EPHX1: variants seen among roughly 807,000 people sequenced by gnomAD.
The protein encoded by EPHX1 is epoxide hydrolase 1.
Under a neutral mutation model 43.2 loss-of-function variants are expected in EPHX1, and 40 were observed. That is an observed-to-expected ratio of 0.93 (90% CI 0.72 to 1.21). The LOEUF (loss-of-function observed/expected upper bound fraction) is 1.21. Ranked by LOEUF, EPHX1 falls within the 50% of genes most tolerant of loss-of-function variation. EPHX1 has a pLI of 0.00. For missense variants in EPHX1, 550 were observed against 570.4 expected, an observed-to-expected ratio of 0.96 and a Z score of 0.36; for synonymous variants, 221 against 226.7, an observed-to-expected ratio of 0.98 and a Z score of 0.22.
rs763302326 is a variant in EPHX1, at chr1:225,838,804, T to C, written c.515T>C (p.Leu172Pro). 1 of 1,614,206 alleles carries C rather than the reference T, an allele frequency of 6.2e-7. No individual in the cohort carries two copies. Residue 172 changes from leucine (L) to proline (P), a missense_variant, in exon 4 of 9, where the codon CTG (leucine) becomes CCG (proline). Physicochemically the swap from Leu to Pro is moderately conservative, Grantham distance 98. Coordinates refer to ENST00000272167, the MANE Select transcript of EPHX1 (RefSeq NM_001136018.4). ...CTGACTGACCCCAAGAACCATGGCCTGAGCGATGAGCACGTTTTTGAAGTC... is the reference window on the plus strand; with the variant it reads ...CTGACTGACCCCAAGAACCATGGCCCGAGCGATGAGCACGTTTTTGAAGTC... Reference protein sequence around the residue: ...PLLTDPKNHGLSDEHVFEVIC... With the variant: ...PLLTDPKNHGPSDEHVFEVIC...
chr1:225,845,456 A>C lies in EPHX1; in HGVS notation c.*109A>C. ...ATGAGTTTGCCTCCGTCCCCTGCCCATGCTGGGAGCCCACGCTCACCCCCT... is the reference window on the plus strand; with the variant it reads ...ATGAGTTTGCCTCCGTCCCCTGCCCCTGCTGGGAGCCCACGCTCACCCCCT... On this transcript the variant is annotated 3_prime_UTR_variant, in exon 9 of 9. Transcript: ENST00000272167. 1 of 1,175,688 alleles carries C rather than the reference A, an allele frequency of 8.5e-7. No individual in the cohort carries two copies. The highest frequency in any genetic ancestry group is 1.2e-6 in the Non-Finnish European group (1 of 837,402). The allele number at this position is 1,175,688 out of a possible 1,614,324, so 72.8% of individuals were successfully genotyped here. A position where few individuals can be genotyped will look rare whatever the true frequency, so the allele number is the denominator to read the frequency against.
chr1:225,845,379 CCCA>C lies in EPHX1; in HGVS notation c.*34_*36del, dbSNP rs751667514. The C allele has an allele frequency of 5.5e-5, 85 of 1,543,226 alleles. No individual in the cohort carries two copies. Among genetic ancestry groups the C allele is most frequent in the African/African-American group, 6.8e-5 (5 of 73,682 alleles). On this transcript the variant is annotated 3_prime_UTR_variant, in exon 9 of 9. Transcript: ENST00000272167. ...CCTCTCCCCCCGCCTGCCACCTCCC[CCCA>C]CAAGTGCCCTCCAGGCTTTTCTTGG...
intron 1 of EPHX1, among the ~76,000 whole-genome samples, chr1:225,821,643 C>T (rs948754831): frequency 3.5e-5 from 5 of 142,838 alleles, no homozygotes; most frequent in East Asian, 2.1e-4. Context: ...TCACTGCAGC[C>T]TCAACCACCT....
rs1347161321 is a variant in EPHX1 at position 225,828,822 on chromosome 1, T to C, written c.93T>C (p.Asp31=). ...RDKEETLPLE[D]GWWGPGTRSA... Reference sequence around the variant, plus strand: ...AAGAGGAAACTTTGCCACTTGAAGATGGGTGGTGGGGGCCAGGCACGAGGT... The same window carrying C: ...AAGAGGAAACTTTGCCACTTGAAGACGGGTGGTGGGGGCCAGGCACGAGGT... The change falls in exon 2 of 9, where the codon GAT becomes GAC. Residue 31 remains aspartate, a synonymous_variant. Transcript: ENST00000272167. 1.9e-6 allele frequency: 3 copies of C among 1,613,442 alleles called. No individual in the cohort carries two copies. Among genetic ancestry groups the C allele is most frequent in the South Asian group, 2.2e-5 (2 of 90,858 alleles).
At chr1:225,830,882 C>T (rs1472806140) in intron 2 of EPHX1, among the ~76,000 whole-genome samples, 1 of 152,184 alleles carries the variant, frequency 6.6e-6, no homozygotes, top group African/African-American at 2.4e-5. Flanking sequence ...AGCACAGCGC[C>T]CATGCCAAGA....
rs34868815 is a variant in EPHX1, at chr1:225,839,366, GGTGTGTGTGTGTGTGTGTGTGTGT to G, written c.722+33_722+56del. 2.6e-6 allele frequency: 4 copies of G among 1,560,734 alleles called. No individual in the cohort carries two copies. Among genetic ancestry groups the G allele is most frequent in the African/African-American group, 1.4e-5 (1 of 70,720 alleles). ...GCCCAGGTGAGGTCACTGTTGGGGT[GGTGTGTGTGTGTGTGTGTGTGTGT>G]GTGTGTGTGTGTCCTCTAAGAAGTG... On this transcript the variant is annotated intron_variant, in intron 5 of 8. Coordinates refer to ENST00000272167, the MANE Select transcript of EPHX1 (RefSeq NM_001136018.4).
intron 3 of EPHX1, among the ~76,000 whole-genome samples, chr1:225,833,368 G>C (rs1400813747): frequency 6.6e-6 from 1 of 152,184 alleles, no homozygotes; most frequent in Non-Finnish European, 1.5e-5. Flanking sequence ...ACTGGGTGTG[G>C]TGGCATGCAC....
At chr1:225,819,948 A>G (rs1018711999) in intron 1 of EPHX1, among the ~76,000 whole-genome samples, 3 of 152,202 alleles carry the variant, frequency 2.0e-5, no homozygotes, top group African/African-American at 4.8e-5. Context: ...GTCTGCCTCA[A>G]CATCCCAATC....
At chr1:225,832,858 G>T (rs1667691697) in intron 3 of EPHX1, among the ~76,000 whole-genome samples, 1 of 152,228 alleles carries the variant, frequency 6.6e-6, no homozygotes, top group African/African-American at 2.4e-5. Flanking sequence ...TTTCTCCGAA[G>T]AAATGTCTGT....
intron 6 of EPHX1, among the ~76,000 whole-genome samples, chr1:225,840,588 C>G (rs11805420): frequency 0.011 from 1,678 of 152,318 alleles, 34 homozygotes; most frequent in African/African-American, 0.038. Context: ...CTAACAGACA[C>G]AAAACTTGTC....
chr1:225,822,773 C>A (rs141611630), intron 1 of EPHX1, among the ~76,000 whole-genome samples: 498 of 152,236 alleles, frequency 3.3e-3, no homozygotes, highest in African/African-American at 0.011. Context: ...ATGCTGATAC[C>A]CGAAGATGTA....
At chr1:225,824,369 G>C (rs1387866515) in intron 1 of EPHX1, among the ~76,000 whole-genome samples, 1 of 152,212 alleles carries the variant, frequency 6.6e-6, no homozygotes, top group Non-Finnish European at 1.5e-5. Flanking sequence ...AGGAGTGAGT[G>C]CTGTGGCCAC....
chr1:225,828,513 A>G (rs986984606), intron 1 of EPHX1, among the ~76,000 whole-genome samples: 2 of 149,076 alleles, frequency 1.3e-5, no homozygotes, highest in African/African-American at 4.9e-5. Flanking sequence ...CCATTTTTCT[A>G]GATCATATAT....
rs115767656 is a variant in EPHX1, at chr1:225,820,573, T to C, written c.-5-8152T>C. On this transcript the variant is annotated intron_variant, in intron 1 of 8. Coordinates refer to ENST00000272167, the MANE Select transcript of EPHX1 (RefSeq NM_001136018.4). ...GGAAATGTGGAATCATCAACTCTTATGCGAAAATAGCCTATGAGACTCTTG... is the reference window on the plus strand; with the variant it reads ...GGAAATGTGGAATCATCAACTCTTACGCGAAAATAGCCTATGAGACTCTTG... Among the ~76,000 whole-genome samples, 900 of 152,288 alleles carry C rather than the reference T, an allele frequency of 5.9e-3. 13 individuals are homozygous for C. Among genetic ancestry groups the C allele is most frequent in the African/African-American group, 0.021 (855 of 41,558 alleles).
Position 225,845,327 on chromosome 1 carries a change from T to C in EPHX1, c.1348T>C (p.Ser450Pro), listed in dbSNP as rs1425014181. Residue 450 changes from serine to proline, a missense_variant, in exon 9 of 9, where the codon TCG becomes CCG. Transcript: ENST00000272167. ...LLAQDIRKFL[S>P]VLERQ ...CGCCCAGGACATCCGCAAGTTCCTG[T>C]CGGTGCTGGAGCGGCAATGACCCAC... is the stretch of plus-strand genomic sequence containing the variant. The C allele has an allele frequency of 5.0e-6, 8 of 1,611,344 alleles. No individual in the cohort carries two copies. Among genetic ancestry groups the C allele is most frequent in the Non-Finnish European group, 6.8e-6 (8 of 1,179,960 alleles).
intron 8 of EPHX1, 27 bp from the exon 9 acceptor site, chr1:225,845,119 C>A: frequency 6.2e-7 from 1 of 1,613,200 alleles, no homozygotes; most frequent in Non-Finnish European, 8.5e-7. Flanking sequence ...CACAGCCTCA[C>A]CCCTCCGTCG....
chr1:225,824,775 G>A (rs1575994294), intron 1 of EPHX1, among the ~76,000 whole-genome samples: 1 of 152,110 alleles, frequency 6.6e-6, no homozygotes, highest in South Asian at 2.1e-4. Context: ...CCTGCAGCAA[G>A]AAGAAGGACT....
intron 3 of EPHX1, 109 bp downstream of exon 3, chr1:225,832,068 T>C: frequency 1.6e-6 from 2 of 1,226,534 alleles, no homozygotes; most frequent in Admixed American, 1.9e-5. Context: ...AACCCAATTA[T>C]AGGTGACTGA....
intron 7 of EPHX1, among the ~76,000 whole-genome samples, chr1:225,844,249 T>G (rs1201181707): frequency 6.9e-6 from 1 of 145,460 alleles, no homozygotes; most frequent in African/African-American, 2.6e-5. Flanking sequence ...AGGGGACAGG[T>G]GTGTAGAGGC....
Sources: gnomAD v4.1 joint callset for allele counts (sites outside exome capture counted in the v4.1 genomes callset) on GRCh38, gnomAD v4.1.1 for gene constraint, MANE v1.5 for transcripts, NCBI Gene and HGNC (gene_info 2026-07-23, HGNC 2026-07-21) for gene names.